The following CARS1 variants were observed in gnomAD, a reference collection of about 807,000 sequenced individuals.
The protein encoded by CARS1 is cysteine--tRNA ligase, cytoplasmic.
Under a neutral mutation model 106.2 loss-of-function variants are expected in CARS1, and 48 were observed. That is an observed-to-expected ratio of 0.45 (90% CI 0.36 to 0.57). CARS1 has a LOEUF of 0.57. Among genes scored for constraint, CARS1 ranks in the 20% least tolerant of loss-of-function variants. CARS1 has a pLI of 0.00. For missense variants in CARS1, 968 were observed against 1,057.2 expected (o/e 0.92, Z 1.17); for synonymous variants, 409 against 403.4 (o/e 1.01, Z -0.17).
intron 7 of CARS1, among the ~76,000 whole-genome samples, chr11:3,035,987 T>C (rs1008915755): frequency 5.3e-5 from 8 of 152,360 alleles, no homozygotes; most frequent in African/African-American, 1.9e-4. Context: ...CTGTGGCTTA[T>C]GCAGGTGGAA....
intron 1 of CARS1, among the ~76,000 whole-genome samples, 159 bp downstream of exon 1, chr11:3,057,184 C>T (rs75983859): frequency 0.031 from 4,749 of 152,140 alleles, 235 homozygotes; most frequent in African/African-American, 0.11. Context: ...CCCCTCAGAC[C>T]TCGGGCACTG....
chr11:3,020,138 C>T lies in CARS1; in HGVS notation c.1266+82G>A, dbSNP rs954623820. 23 of 838,144 alleles carry T rather than the reference C, an allele frequency of 2.7e-5. No homozygotes were observed. The highest frequency in any genetic ancestry group is 4.1e-5 in the South Asian group (3 of 72,394). 51.9% of individuals were successfully genotyped at this position (838,144 alleles called of 1,614,324 possible). On this transcript the variant is annotated intron_variant, in intron 11 of 22. Transcript: ENST00000380525. The surrounding 1 kb of genome is among the most constrained non-coding windows in gnomAD (Gnocchi z 4.6). The stretch of plus-strand genomic sequence containing the variant: ...GTGACAACATCCTTCACACACAGAG[C>T]GGCCCTCTGCTGGGGGCCTGAGAGT...
rs6578312 is a variant in CARS1 at position 3,004,780 on chromosome 11, T to C, written c.2217+586A>G. On this transcript the variant is annotated intron_variant, in intron 20 of 22. Transcript: ENST00000380525. This position sits in a 1 kb window ranked among gnomAD's most constrained non-coding sequence, Gnocchi z 5.2. ...GAGATGCATCAGTGACACGCGCCACTCAGGTGAGGGCACGGTGGGACTGGG... is the reference window on the plus strand; with the variant it reads ...GAGATGCATCAGTGACACGCGCCACCCAGGTGAGGGCACGGTGGGACTGGG... Among the ~76,000 whole-genome samples, 128,355 of 152,144 alleles carry C rather than the reference T, an allele frequency of 0.84. 54,487 individuals carry two copies. Among genetic ancestry groups the C allele is most frequent in the African/African-American group, 0.93 (38,780 of 41,520 alleles).
chr11:3,044,457 C>A lies in CARS1; in HGVS notation c.275-2201G>T, dbSNP rs1029821492. 6.6e-6 allele frequency among the ~76,000 whole-genome samples: 1 copy of A among 151,702 alleles called. No homozygotes were observed. The highest frequency in any genetic ancestry group is 2.4e-5 in the African/African-American group (1 of 41,246). On this transcript the variant is annotated intron_variant, in intron 2 of 22. Transcript: ENST00000380525. This position sits in a 1 kb window ranked among gnomAD's most constrained non-coding sequence, Gnocchi z 4.4. ...ATAAAATCTGGCTGAAGTGCACTGG[C>A]GCAATCTCAACTCACTGCAACCTCC...
At position 3,003,112 on chromosome 11, in the gene CARS1, C is replaced by T. The variant is rs563886731; in HGVS notation, c.2218-512G>A. ...CCCACTCCAACCAGCAGGCAGCACC[C>T]GGGCAGGGGCGAGGACAGTCTGATG... On this transcript the variant is annotated intron_variant, in intron 20 of 22. Coordinates refer to ENST00000380525, the MANE Select transcript of CARS1 (RefSeq NM_001014437.3). The surrounding 1 kb of genome is among the most constrained non-coding windows in gnomAD (Gnocchi z 4.8). Among the ~76,000 whole-genome samples, 178 of 152,228 alleles carry T rather than the reference C, an allele frequency of 1.2e-3. No homozygotes were observed. Among genetic ancestry groups the T allele is most frequent in the Non-Finnish European group, 1.8e-3 (122 of 68,016 alleles).
rs562545561 is a variant in CARS1, at chr11:3,034,365, C to T, written c.801+3685G>A. On this transcript the variant is annotated intron_variant, in intron 7 of 22. Coordinates refer to ENST00000380525, the MANE Select transcript of CARS1 (RefSeq NM_001014437.3). This position sits in a 1 kb window ranked among gnomAD's most constrained non-coding sequence, Gnocchi z 6.3. ...CCTCCAGAGTAGCTGGGATTACAGA[C>T]GCGCGCCACCACATTTGGCTAATTT... 1.1e-4 allele frequency among the ~76,000 whole-genome samples: 17 copies of T among 152,016 alleles called. No homozygotes were observed. In the East Asian group the frequency reaches 2.9e-3, roughly 26 times the overall value.
chr11:3,015,683 G>T lies in CARS1; in HGVS notation c.1986+98C>A, dbSNP rs946468675. On this transcript the variant is annotated intron_variant, in intron 17 of 22. Coordinates refer to ENST00000380525, the MANE Select transcript of CARS1 (RefSeq NM_001014437.3). ...GGCGCTGTCCGGAAGGGTCTGGTGT[G>T]GGTGGGCAGACAGAGGAGGGGCAGT... is the stretch of plus-strand genomic sequence containing the variant. 28 of 1,037,974 alleles carry T rather than the reference G, an allele frequency of 2.7e-5. No homozygotes were observed. The African/African-American group carries it at 3.4e-4, about 13-fold the overall frequency. 64.3% of individuals were successfully genotyped at this position (1,037,974 alleles called of 1,614,324 possible).
rs919300436 is a variant in CARS1, at chr11:3,041,829, G to A, written c.366+336C>T. Reference sequence around the variant, plus strand: ...ATACAGTGCCACCTGCTGCAACCACGCGTCCTCCTGAAAGGCGTGGCTGTG... The same window carrying A: ...ATACAGTGCCACCTGCTGCAACCACACGTCCTCCTGAAAGGCGTGGCTGTG... On this transcript the variant is annotated intron_variant, in intron 3 of 22. Coordinates refer to ENST00000380525, the MANE Select transcript of CARS1 (RefSeq NM_001014437.3). The surrounding 1 kb of genome is among the most constrained non-coding windows in gnomAD (Gnocchi z 4.9). Among the ~76,000 whole-genome samples, 2 of 152,026 alleles carry A rather than the reference G, an allele frequency of 1.3e-5. No homozygotes were observed. Among genetic ancestry groups the A allele is most frequent in the South Asian group, 2.1e-4 (1 of 4,816 alleles).
rs1305825158 is a variant in CARS1, at chr11:3,012,192, C to T, written c.2068+3G>A. The T allele has an allele frequency of 1.2e-6, 2 of 1,613,816 alleles. No homozygotes were observed. Among genetic ancestry groups the T allele is most frequent in the South Asian group, 2.2e-5 (2 of 91,080 alleles). On this transcript the variant is annotated splice_donor_region_variant and intron_variant, in intron 18 of 22. Transcript: ENST00000380525. ...CACACTCTTTCCAGCAACTGGTCCT[C>T]ACCTTTTTGCTCTCGGGCAATCTTC...
chr11:3,005,107 C>CAAAAAAAAAAAAAAAAA, intron 20 of CARS1, among the ~76,000 whole-genome samples: 1 of 90,728 alleles, frequency 1.1e-5, no homozygotes, highest in Non-Finnish European at 2.1e-5. Context: ...GACTCCGTCT[C>CAAAAAAAAAAAAAAAAA]AAAAAAAAAA....
rs1309698774 is a variant in CARS1 at position 3,046,208 on chromosome 11, C to T, written c.274+1545G>A. 1.3e-5 allele frequency among the ~76,000 whole-genome samples: 2 copies of T among 152,326 alleles called. No homozygotes were observed. The highest frequency in any genetic ancestry group is 1.9e-4 in the East Asian group (1 of 5,174). ...GTTTGCAAGAGCAAAACCCTTCCTT[C>T]CTCTCACAGTGTGGATGGAGGCTTG... On this transcript the variant is annotated intron_variant, in intron 2 of 22. Coordinates refer to ENST00000380525, the MANE Select transcript of CARS1 (RefSeq NM_001014437.3). The surrounding 1 kb of genome is among the most constrained non-coding windows in gnomAD (Gnocchi z 5.8).
Position 3,052,066 on chromosome 11 carries a change from C to T in CARS1, c.26-4065G>A, listed in dbSNP as rs1293416939. Among the ~76,000 whole-genome samples the T allele has an allele frequency of 2.0e-5, 3 of 152,230 alleles. No homozygotes were observed. The highest frequency in any genetic ancestry group is 7.2e-5 in the African/African-American group (3 of 41,452). On this transcript the variant is annotated intron_variant, in intron 1 of 22. Transcript: ENST00000380525. This position sits in a 1 kb window ranked among gnomAD's most constrained non-coding sequence, Gnocchi z 4.6. ...TAATTCCCTCTTTTTCTTCATTGCT[C>T]ACATTTTCTGCAGTAAGCATCTGCT...
chr11:3,033,808 A>G (rs1317887778), intron 7 of CARS1, among the ~76,000 whole-genome samples: 1 of 152,248 alleles, frequency 6.6e-6, no homozygotes, highest in Non-Finnish European at 1.5e-5. Context: ...AGTGTCTTAC[A>G]TGGAACTTGA....
At chr11:3,036,864 A>G (rs552629889) in intron 7 of CARS1, among the ~76,000 whole-genome samples, 1 of 152,336 alleles carries the variant, frequency 6.6e-6, no homozygotes, top group East Asian at 1.9e-4. Context: ...GCAGAGTCTG[A>G]CATGCACTAC....
intron 7 of CARS1, among the ~76,000 whole-genome samples, chr11:3,035,592 T>C (rs1178066759): frequency 6.6e-6 from 1 of 152,060 alleles, no homozygotes; most frequent in African/African-American, 2.4e-5. Context: ...CTCAGGTGAT[T>C]GTCTCACCTC....
At chr11:3,006,742 G>A (rs1590322267) in intron 19 of CARS1, 137 bp downstream of exon 19, 4 of 764,538 alleles carry the variant, frequency 5.2e-6, no homozygotes, top group African/African-American at 1.7e-5. Context: ...GGCGCCGGGG[G>A]ACCCATGGGG....
intron 7 of CARS1, among the ~76,000 whole-genome samples, chr11:3,032,645 A>G (rs543535639): frequency 3.3e-5 from 5 of 151,868 alleles, no homozygotes; most frequent in Non-Finnish European, 5.9e-5. Flanking sequence ...ATTTTTTCCG[A>G]TCTGAAATGG....
chr11:3,025,538 G>C (rs1309165389), intron 10 of CARS1, among the ~76,000 whole-genome samples: 2 of 152,196 alleles, frequency 1.3e-5, no homozygotes, highest in African/African-American at 4.8e-5. Context: ...TTTAGGTTCT[G>C]ATATTTCTTT....
chr11:3,042,112 GCCT>G, intron 3 of CARS1, 50 bp downstream of exon 3: 1 of 1,366,758 alleles, frequency 7.3e-7, no homozygotes, highest in African/African-American at 1.4e-5. Context: ...GGGCTGTCCT[GCCT>G]CCTGCCTCCC....
Sources: allele counts gnomAD v4.1 joint callset (sites outside exome capture counted in the v4.1 genomes callset), GRCh38; gene constraint gnomAD v4.1.1; non-coding constraint Gnocchi (gnomAD v3.1); transcripts MANE v1.5; gene names NCBI Gene and HGNC (gene_info 2026-07-23, HGNC 2026-07-21).